GULP1: variants seen among roughly 807,000 people sequenced by gnomAD.
GULP1 encodes the protein PTB domain-containing engulfment adapter protein 1.
GULP1 carries 19 observed loss-of-function variants against 40.9 expected under a neutral mutation model. The observed-to-expected ratio is 0.46, with a 90% CI of 0.32 to 0.68. GULP1 has a LOEUF of 0.68. Ranked by LOEUF, GULP1 falls within the 30% of genes least tolerant of loss-of-function variation. GULP1 has a pLI of 0.03. For synonymous variants in GULP1, 119 were observed against 117.6 expected (o/e 1.01, Z -0.08); for missense variants, 312 against 362.2 (o/e 0.86, Z 1.12).
intron 1 of GULP1, among the ~76,000 whole-genome samples, chr2:188,375,121 C>CT (rs1447609740): frequency 3.9e-5 from 6 of 152,104 alleles, no homozygotes; most frequent in African/African-American, 1.4e-4. Flanking sequence ...TATTATATGG[C>CT]TAACAGCAGA....
At chr2:188,306,311 C>A (rs1438541922) in intron 1 of GULP1, among the ~76,000 whole-genome samples, 2 of 152,070 alleles carry the variant, frequency 1.3e-5, no homozygotes, top group Non-Finnish European at 2.9e-5. Context: ...AGTTTATTTT[C>A]CTTTTTTTAA....
At chr2:188,543,155 T>A (rs1690975621) in intron 7 of GULP1, among the ~76,000 whole-genome samples, 1 of 152,026 alleles carries the variant, frequency 6.6e-6, no homozygotes, top group Non-Finnish European at 1.5e-5. Flanking sequence ...CTATTTTCTC[T>A]TGTTGTGCGC....
intron 5 of GULP1, among the ~76,000 whole-genome samples, chr2:188,526,354 C>A (rs992693558): frequency 2.0e-4 from 30 of 151,982 alleles, no homozygotes; most frequent in African/African-American, 7.0e-4. Flanking sequence ...CTGTATCCAT[C>A]TAGATCTACC....
At chr2:188,495,811 G>C (rs1254425395) in intron 4 of GULP1, among the ~76,000 whole-genome samples, 2 of 151,502 alleles carry the variant, frequency 1.3e-5, no homozygotes, top group Non-Finnish European at 2.9e-5. Context: ...AGTATACCAA[G>C]ATTTAACAAA....
intron 1 of GULP1, among the ~76,000 whole-genome samples, chr2:188,322,225 G>T (rs980110435): frequency 6.6e-6 from 1 of 151,870 alleles, no homozygotes; most frequent in Non-Finnish European, 1.5e-5. Context: ...TTTTCAAATT[G>T]TATACACAGT....
intron 2 of GULP1, among the ~76,000 whole-genome samples, chr2:188,405,212 G>A (rs938243077): frequency 1.3e-5 from 2 of 152,044 alleles, no homozygotes; most frequent in African/African-American, 4.8e-5. Flanking sequence ...CCCATGCCCA[G>A]CCTGGCCCCA....
chr2:188,587,393 A>T (rs772733659), intron 10 of GULP1, among the ~76,000 whole-genome samples: 1 of 152,132 alleles, frequency 6.6e-6, no homozygotes, highest in Non-Finnish European at 1.5e-5. Flanking sequence ...GAGAGATAAG[A>T]GTACATGAAC....
At chr2:188,464,811 C>A (rs1357363417) in intron 2 of GULP1, among the ~76,000 whole-genome samples, 4 of 152,188 alleles carry the variant, frequency 2.6e-5, no homozygotes, top group African/African-American at 9.7e-5. Flanking sequence ...ATGGGGAGTA[C>A]TGCCAGGCTA....
chr2:188,502,726 A>G (rs57833610), intron 4 of GULP1, among the ~76,000 whole-genome samples: 299 of 152,072 alleles, frequency 2.0e-3, no homozygotes, highest in African/African-American at 6.8e-3. Flanking sequence ...GGGTGTTTCA[A>G]TTACTTAAGA....
chr2:188,419,839 T>C (rs1328400996), intron 2 of GULP1, among the ~76,000 whole-genome samples: 1 of 152,204 alleles, frequency 6.6e-6, no homozygotes, highest in Admixed American at 6.5e-5. Context: ...TTGAGTCGTA[T>C]GTTTAAGTCC....
intron 7 of GULP1, among the ~76,000 whole-genome samples, chr2:188,550,723 A>T (rs1693239815): frequency 6.6e-6 from 1 of 151,608 alleles, no homozygotes; most frequent in Non-Finnish European, 1.5e-5. Context: ...TTTACTGCAT[A>T]TTCTTATTAT....
intron 2 of GULP1, among the ~76,000 whole-genome samples, chr2:188,423,928 A>G (rs1207233536): frequency 6.6e-6 from 1 of 151,852 alleles, no homozygotes; most frequent in Non-Finnish European, 1.5e-5. Context: ...TACATACTAG[A>G]CATGAATTTT....
chr2:188,496,812 A>G (rs1220725406), intron 4 of GULP1, among the ~76,000 whole-genome samples: 2 of 151,888 alleles, frequency 1.3e-5, no homozygotes, highest in Non-Finnish European at 2.9e-5. Flanking sequence ...CTCATGGTTT[A>G]ACACCATCCG....
chr2:188,559,422 G>A (rs1695670005), intron 7 of GULP1, among the ~76,000 whole-genome samples: 1 of 152,212 alleles, frequency 6.6e-6, no homozygotes, highest in Admixed American at 6.5e-5. Context: ...TGCCCAGGCA[G>A]AACTATGCCG....
At chr2:188,556,365 T>C (rs1352051182) in intron 7 of GULP1, among the ~76,000 whole-genome samples, 1 of 152,280 alleles carries the variant, frequency 6.6e-6, no homozygotes, top group African/African-American at 2.4e-5. Context: ...CAATGAGTCC[T>C]TAAGTTCTAG....
At chr2:188,398,877 A>G (rs2051674744) in intron 2 of GULP1, among the ~76,000 whole-genome samples, 1 of 152,228 alleles carries the variant, frequency 6.6e-6, no homozygotes, top group South Asian at 2.1e-4. Context: ...AGGAGGGAGA[A>G]GAGTAGGATT....
At chr2:188,466,283 G>GC (rs1000781149) in intron 2 of GULP1, among the ~76,000 whole-genome samples, 1 of 146,704 alleles carries the variant, frequency 6.8e-6, no homozygotes, top group African/African-American at 2.7e-5. Flanking sequence ...TCAGTGGCTG[G>GC]TTTTTTTTTC....
At chr2:188,311,909 A>G (rs1484055311) in intron 1 of GULP1, among the ~76,000 whole-genome samples, 1 of 149,018 alleles carries the variant, frequency 6.7e-6, no homozygotes, top group Non-Finnish European at 1.5e-5. Flanking sequence ...ATATTAATAC[A>G]CATATACCTT....
chr2:188,334,257 T>C (rs1447892246), intron 1 of GULP1, among the ~76,000 whole-genome samples: 1 of 152,210 alleles, frequency 6.6e-6, no homozygotes, highest in African/African-American at 2.4e-5. Flanking sequence ...TAATAGGCAC[T>C]GCATTTAGTG....
Sources: gnomAD v4.1 joint callset for allele counts (sites outside exome capture counted in the v4.1 genomes callset) on GRCh38, gnomAD v4.1.1 for gene constraint, MANE v1.5 for transcripts, NCBI Gene and HGNC (gene_info 2026-07-23, HGNC 2026-07-21) for gene names.